The following PTPRJ variants were observed in gnomAD, a reference collection of about 807,000 sequenced individuals.
PTPRJ encodes receptor-type tyrosine-protein phosphatase eta.
In PTPRJ, 129 loss-of-function variants were observed where a neutral mutation model predicts 141.3. That is an observed-to-expected ratio of 0.91 (90% CI 0.79 to 1.06). PTPRJ has a LOEUF of 1.06. PTPRJ is among the 50% of genes least tolerant of loss of function. The pLI is 0.00. For missense variants in PTPRJ, 1,601 were observed against 1,679.7 expected, an observed-to-expected ratio of 0.95 and a Z score of 0.82; for synonymous variants, 610 against 640.5, an observed-to-expected ratio of 0.95 and a Z score of 0.72.
intron 1 of PTPRJ, among the ~76,000 whole-genome samples, chr11:48,083,339 G>A (rs534001612): frequency 6.6e-6 from 1 of 152,358 alleles, no homozygotes; most frequent in South Asian, 2.1e-4. Context: ...TGAGGCTGGA[G>A]AATCGCTTGA....
chr11:48,144,391 T>A (rs558533002), intron 12 of PTPRJ, among the ~76,000 whole-genome samples: 3 of 152,312 alleles, frequency 2.0e-5, no homozygotes, highest in Admixed American at 2.0e-4. Flanking sequence ...CTCTACCTCA[T>A]AGGCAGTGTG....
Position 47,980,861 on chromosome 11 carries a change from C to T in PTPRJ, c.-52C>T. The T allele has an allele frequency of 1.8e-6, 2 of 1,084,390 alleles. No homozygotes were observed. Among genetic ancestry groups the T allele is most frequent in the South Asian group, 4.4e-5 (1 of 22,858 alleles). The allele number at this position is 1,084,390 out of a possible 1,614,324, so 67.2% of individuals were successfully genotyped here. The stretch of plus-strand genomic sequence containing the variant: ...CGACGACGGTGCCCGGGCTCGGGCG[C>T]ACGGCGGGGCCCGATTCGCGCGTCC... On this transcript the variant is annotated 5_prime_UTR_variant, in exon 1 of 25. Transcript: ENST00000418331.
intron 1 of PTPRJ, among the ~76,000 whole-genome samples, chr11:48,081,394 C>A (rs1565292955): frequency 6.6e-6 from 1 of 152,108 alleles, no homozygotes; most frequent in Admixed American, 6.6e-5. Flanking sequence ...TTTTTAAAAC[C>A]TTGGTGGAAA....
intron 10 of PTPRJ, among the ~76,000 whole-genome samples, chr11:48,137,906 C>T (rs1213456459): frequency 6.6e-6 from 1 of 152,166 alleles, no homozygotes; most frequent in Non-Finnish European, 1.5e-5. Context: ...ACCTATCTCA[C>T]AACTGAAAAT....
At chr11:48,159,877 G>A in intron 21 of PTPRJ, 53 bp from the exon 22 acceptor site, 1 of 1,604,364 alleles carries the variant, frequency 6.2e-7, no homozygotes, top group Non-Finnish European at 8.5e-7. Flanking sequence ...AGGTTTTAGT[G>A]ATGGCAGATG....
At chr11:48,041,346 A>C (rs1432949122) in intron 1 of PTPRJ, among the ~76,000 whole-genome samples, 1 of 152,182 alleles carries the variant, frequency 6.6e-6, no homozygotes, top group African/African-American at 2.4e-5. Flanking sequence ...TAACTCTCAT[A>C]CACACTGCTA....
At chr11:48,143,456 C>A (rs1370417012) in intron 12 of PTPRJ, among the ~76,000 whole-genome samples, 1 of 152,122 alleles carries the variant, frequency 6.6e-6, no homozygotes, top group African/African-American at 2.4e-5. Flanking sequence ...CCTCACTGGG[C>A]CTTTTAGGTG....
At chr11:48,110,405 C>T (rs1441633823) in intron 2 of PTPRJ, among the ~76,000 whole-genome samples, 1 of 151,960 alleles carries the variant, frequency 6.6e-6, no homozygotes, top group African/African-American at 2.4e-5. Context: ...ACGGGGCTTC[C>T]CCATGTTGGT....
intron 1 of PTPRJ, among the ~76,000 whole-genome samples, chr11:48,023,868 T>C (rs1306273257): frequency 6.6e-6 from 1 of 152,018 alleles, no homozygotes; most frequent in African/African-American, 2.4e-5. Flanking sequence ...ATTCCAGTTT[T>C]TATTAGATCC....
At position 48,121,272 on chromosome 11, in the gene PTPRJ, A is replaced by T; in HGVS notation, c.616+6A>T. 1 of 1,612,608 alleles carries T rather than the reference A, an allele frequency of 6.2e-7. No individual in the cohort carries two copies. The highest frequency in any genetic ancestry group is 8.5e-7 in the Non-Finnish European group (1 of 1,178,696). ...AGTCATAAAAGTCATCACAGGTAAG[A>T]TGACTGGCTCCCAGGGATGATGACA... On this transcript the variant is annotated splice_donor_region_variant and intron_variant, in intron 4 of 24. Transcript: ENST00000418331.
At chr11:48,111,297 A>G (rs1856432973) in intron 2 of PTPRJ, among the ~76,000 whole-genome samples, 1 of 150,546 alleles carries the variant, frequency 6.6e-6, no homozygotes, top group African/African-American at 2.4e-5. Flanking sequence ...AAAAAAAAAA[A>G]AAAAAAATTA....
chr11:48,148,741 A>G (rs1004838083), intron 15 of PTPRJ, among the ~76,000 whole-genome samples: 5 of 152,014 alleles, frequency 3.3e-5, no homozygotes, highest in Admixed American at 2.6e-4. Flanking sequence ...GGCTCATTTC[A>G]TCATCATTTT....
At chr11:48,058,733 G>A (rs1590450951) in intron 1 of PTPRJ, among the ~76,000 whole-genome samples, 2 of 151,948 alleles carry the variant, frequency 1.3e-5, no homozygotes, top group East Asian at 1.9e-4. Context: ...ATTTCTATGA[G>A]GCCACCAGAA....
intron 1 of PTPRJ, among the ~76,000 whole-genome samples, chr11:48,073,217 A>G (rs10769312): frequency 0.57 from 86,686 of 152,000 alleles, 28,490 homozygotes; most frequent in East Asian, 0.8. Flanking sequence ...GTCCCCAGCT[A>G]TCTGATCTGT....
intron 1 of PTPRJ, among the ~76,000 whole-genome samples, chr11:48,092,345 G>C (rs986363958): frequency 6.6e-6 from 1 of 150,794 alleles, no homozygotes; most frequent in Non-Finnish European, 1.5e-5. Context: ...ATGCAGGTAG[G>C]TGCTTCTAGC....
In PTPRJ at chr11:48,123,791, G is replaced by T; in HGVS notation, c.795G>T (p.Gly265=). The T allele has an allele frequency of 3.7e-6, 6 of 1,613,984 alleles. No individual in the cohort carries two copies. Among genetic ancestry groups the T allele is most frequent in the Non-Finnish European group, 5.1e-6 (6 of 1,179,972 alleles). ...LQVNISGLKP[G]VQYNINPYLL... ...TCAATATCTCGGGCCTGAAGCCAGG[G>T]GTTCAATACAACATCAACCCGTATC... The change falls in exon 5 of 25, where the codon GGG becomes GGT. Residue 265 remains glycine, a synonymous_variant. Transcript: ENST00000418331.
chr11:48,006,330 G>C (rs891301110), intron 1 of PTPRJ, among the ~76,000 whole-genome samples: 1 of 152,066 alleles, frequency 6.6e-6, no homozygotes, highest in African/African-American at 2.4e-5. Context: ...GAGAGAGGTG[G>C]AGTGGGAAAG....
chr11:48,142,196 T>C (rs1002260608), intron 11 of PTPRJ, among the ~76,000 whole-genome samples: 20 of 152,316 alleles, frequency 1.3e-4, no homozygotes, highest in African/African-American at 4.3e-4. Context: ...TTCTGTTCTA[T>C]GGGTTGATGT....
intron 1 of PTPRJ, among the ~76,000 whole-genome samples, chr11:47,982,029 A>T (rs1034257017): frequency 5.9e-5 from 9 of 152,202 alleles, no homozygotes; most frequent in African/African-American, 2.2e-4. Flanking sequence ...TTGGCTGGGG[A>T]TGGAACCTGG....
Sources: allele counts gnomAD v4.1 joint callset (sites outside exome capture counted in the v4.1 genomes callset), GRCh38; gene constraint gnomAD v4.1.1; transcripts MANE v1.5; gene names NCBI Gene and HGNC (gene_info 2026-07-23, HGNC 2026-07-21).